Variants in KIF13A observed in about 807,000 individuals in gnomAD.
KIF13A encodes the protein kinesin family member 13A.
KIF13A carries 79 observed loss-of-function variants against 212.2 expected under a neutral mutation model. The observed-to-expected ratio is 0.37, with a 90% confidence interval of 0.31 to 0.45. The LOEUF is 0.45. Among genes scored for constraint, KIF13A ranks in the 20% least tolerant of loss-of-function variants. The probability of loss-of-function intolerance (pLI) is 1.00; values close to 1 mark genes in which losing one functional copy is unlikely to be tolerated. For missense variants in KIF13A, 1,901 were observed against 2,209.0 expected, an observed-to-expected ratio of 0.86 and a Z score of 2.79; for synonymous variants, 789 against 808.6, an observed-to-expected ratio of 0.98 and a Z score of 0.41.
chr6:17,787,590 G>A lies in KIF13A; in HGVS notation c.3361+186C>T, dbSNP rs1193603936. On this transcript the variant is annotated intron_variant, in intron 27 of 38. Transcript: ENST00000259711. This position sits in a 1 kb window ranked among gnomAD's most constrained non-coding sequence, Gnocchi z 4.6. Reference sequence around the variant, plus strand: ...CTCTTGAGGCCAGGAGTTAGAGGCTGCAGTGAGATATGATCCTGCCACTGC... The same window carrying A: ...CTCTTGAGGCCAGGAGTTAGAGGCTACAGTGAGATATGATCCTGCCACTGC... Among the ~76,000 whole-genome samples the A allele has an allele frequency of 2.0e-5, 3 of 152,168 alleles. No homozygotes were observed. The highest frequency in any genetic ancestry group is 4.4e-5 in the Non-Finnish European group (3 of 68,034).
At position 17,828,416 on chromosome 6, in the gene KIF13A, A is replaced by G; in HGVS notation, c.1402-46T>C. ...AAAGAAAAACCCACATTTATGAGTA[A>G]CTCAGCAAAAATGTATCACAATCAA... On this transcript the variant is annotated intron_variant, in intron 13 of 38. Transcript: ENST00000259711. The surrounding 1 kb of genome is among the most constrained non-coding windows in gnomAD (Gnocchi z 4.3). The G allele has an allele frequency of 6.4e-7, 1 of 1,555,876 alleles. No homozygotes were observed. The highest frequency in any genetic ancestry group is 8.8e-7 in the Non-Finnish European group (1 of 1,141,564).
chr6:17,854,225 G>C (rs1207654741), intron 6 of KIF13A, among the ~76,000 whole-genome samples: 1 of 152,104 alleles, frequency 6.6e-6, no homozygotes, highest in Non-Finnish European at 1.5e-5. Flanking sequence ...TGCAACCTCT[G>C]TCTCCTGGGT....
chr6:17,898,210 G>A lies in KIF13A; in HGVS notation c.147-30C>T. 6.2e-7 allele frequency: 1 copy of A among 1,610,938 alleles called. No individual in the cohort carries two copies. Among genetic ancestry groups the A allele is most frequent in the Non-Finnish European group, 8.5e-7 (1 of 1,177,974 alleles). ...ATGATGGGAAAAAAAAAATTCAGCAGCAGGGATACAGAGGGTTGTCAACAC... is the reference window on the plus strand; with the variant it reads ...ATGATGGGAAAAAAAAAATTCAGCAACAGGGATACAGAGGGTTGTCAACAC... On this transcript the variant is annotated intron_variant, in intron 2 of 38. Coordinates refer to ENST00000259711, the MANE Select transcript of KIF13A (RefSeq NM_022113.6). The surrounding 1 kb of genome is among the most constrained non-coding windows in gnomAD (Gnocchi z 5.2).
rs977569625 is a variant in KIF13A at position 17,849,473 on chromosome 6, A to G, written c.734T>C (p.Val245Ala). Residue 245 changes from valine to alanine, a missense_variant, in exon 9 of 39, where the codon GTC becomes GCC. Coordinates refer to ENST00000259711, the MANE Select transcript of KIF13A (RefSeq NM_022113.6). The surrounding 1 kb of genome is among the most constrained non-coding windows in gnomAD (Gnocchi z 5.7). ...DLQSGNSGEK[V>A]SKVSLVDLAG... The stretch of plus-strand genomic sequence containing the variant: ...CAGGTCTACCAAGCTGACCTTACTG[A>G]CTTTCTCCCCGGAATTCTAGTTATA... 6.2e-7 allele frequency: 1 copy of G among 1,613,424 alleles called. No homozygotes were observed. The highest frequency in any genetic ancestry group is 1.3e-5 in the African/African-American group (1 of 75,040).
At position 17,982,397 on chromosome 6, in the gene KIF13A, C is replaced by A; in HGVS notation, c.146+4657G>T. 1 of 981,674 alleles carries A rather than the reference C, an allele frequency of 1.0e-6. No individual in the cohort carries two copies. The highest frequency in any genetic ancestry group is 1.2e-6 in the Non-Finnish European group (1 of 826,680). 60.8% of individuals were successfully genotyped at this position (981,674 alleles called of 1,614,324 possible). On this transcript the variant is annotated intron_variant, in intron 2 of 38. Transcript: ENST00000259711. The surrounding 1 kb of genome is among the most constrained non-coding windows in gnomAD (Gnocchi z 5.1). The stretch of plus-strand genomic sequence containing the variant: ...ACAGATGTGAGCCACTGTGTCTGGC[C>A]CCCAGGATTTGGAGCATTTTAGATT...
intron 29 of KIF13A, among the ~76,000 whole-genome samples, chr6:17,782,937 C>T (rs1178933866): frequency 1.3e-5 from 2 of 152,188 alleles, no homozygotes; most frequent in Non-Finnish European, 2.9e-5. Flanking sequence ...ATGAGGCATA[C>T]ATTCAACATC....
intron 4 of KIF13A, among the ~76,000 whole-genome samples, chr6:17,863,710 A>G (rs930321717): frequency 6.6e-6 from 1 of 152,234 alleles, no homozygotes; most frequent in African/African-American, 2.4e-5. Flanking sequence ...TTCATTCTGC[A>G]ATAGAAAATA....
chr6:17,961,449 T>C lies in KIF13A; in HGVS notation c.146+25605A>G, dbSNP rs1778808368. Among the ~76,000 whole-genome samples, 1 of 152,254 alleles carries C rather than the reference T, an allele frequency of 6.6e-6. No individual in the cohort carries two copies. The highest frequency in any genetic ancestry group is 1.5e-5 in the Non-Finnish European group (1 of 68,048). ...CACCAAGCATATTGTAAGCCCTTTATATTCTCCCCGAATTAGGTTGGACCA... is the reference window on the plus strand; with the variant it reads ...CACCAAGCATATTGTAAGCCCTTTACATTCTCCCCGAATTAGGTTGGACCA... On this transcript the variant is annotated intron_variant, in intron 2 of 38. Transcript: ENST00000259711. The surrounding 1 kb of genome is among the most constrained non-coding windows in gnomAD (Gnocchi z 4.1).
chr6:17,785,280 T>A lies in KIF13A; in HGVS notation c.3488+235A>T, dbSNP rs911623518. On this transcript the variant is annotated intron_variant, in intron 28 of 38. Coordinates refer to ENST00000259711, the MANE Select transcript of KIF13A (RefSeq NM_022113.6). This position sits in a 1 kb window ranked among gnomAD's most constrained non-coding sequence, Gnocchi z 5.8. ...TTGCTTATGCAGAGGAACAGAGGAG[T>A]GGTATGTGATTCCTGGCCAGGTAAT... is the stretch of plus-strand genomic sequence containing the variant. Among the ~76,000 whole-genome samples the A allele has an allele frequency of 6.6e-6, 1 of 151,758 alleles. No homozygotes were observed.
intron 2 of KIF13A, among the ~76,000 whole-genome samples, chr6:17,930,737 C>T (rs1299838196): frequency 6.6e-6 from 1 of 152,184 alleles, no homozygotes; most frequent in East Asian, 1.9e-4. Context: ...GATCTCACTA[C>T]CACTACCCTG....
Position 17,771,938 on chromosome 6 carries a change from G to A in KIF13A, c.4446C>T (p.Ala1482=). The A allele has an allele frequency of 6.2e-7, 1 of 1,613,922 alleles. No individual in the cohort carries two copies. Among genetic ancestry groups the A allele is most frequent in the South Asian group, 1.1e-5 (1 of 91,080 alleles). ...PVKEEHKKRI[A]LEARPLLSQE... is the part of the protein sequence containing the mutation. ...GGCTTAGAAGAGGCCTTGCTTCCAGGGCTATCCTTTTCTTATGCTCCTCTT... is the reference window on the plus strand; with the variant it reads ...GGCTTAGAAGAGGCCTTGCTTCCAGAGCTATCCTTTTCTTATGCTCCTCTT... The change falls in exon 37 of 39, where the codon GCC becomes GCT. Residue 1482 remains alanine, a synonymous_variant. Coordinates refer to ENST00000259711, the MANE Select transcript of KIF13A (RefSeq NM_022113.6). The surrounding 1 kb of genome is among the most constrained non-coding windows in gnomAD (Gnocchi z 5.4).
rs1292818034 is a variant in KIF13A, at chr6:17,773,622, C to G, written c.4219-39G>C. The G allele has an allele frequency of 2.5e-6, 3 of 1,184,006 alleles. No homozygotes were observed. The highest frequency in any genetic ancestry group is 3.0e-5 in the South Asian group (2 of 66,892). The allele number at this position is 1,184,006 out of a possible 1,614,324, so 73.3% of individuals were successfully genotyped here. Reference sequence around the variant, plus strand: ...ATATGGGTTAACTGTAATTGAATCACTCCAAAATAAGAAATAAAGCCCAGG... The same window carrying G: ...ATATGGGTTAACTGTAATTGAATCAGTCCAAAATAAGAAATAAAGCCCAGG... On this transcript the variant is annotated intron_variant, in intron 35 of 38. Transcript: ENST00000259711. The surrounding 1 kb of genome is among the most constrained non-coding windows in gnomAD (Gnocchi z 4.2).
chr6:17,907,607 G>C (rs1448053759), intron 2 of KIF13A, among the ~76,000 whole-genome samples: 1 of 151,392 alleles, frequency 6.6e-6, no homozygotes, highest in Non-Finnish European at 1.5e-5. Context: ...GGCTGCAAAC[G>C]ACTACTTCCT....
At chr6:17,762,019 G>C (rs527495262), downstream of KIF13A, among the ~76,000 whole-genome samples, 1 of 151,928 alleles carries the variant, frequency 6.6e-6, no homozygotes, top group Non-Finnish European at 1.5e-5. Context: ...CAAAATCTTA[G>C]GGCTGGATGG....
chr6:17,817,307 T>C (rs932556652), intron 16 of KIF13A, 74 bp from the exon 17 acceptor site: 8 of 1,312,392 alleles, frequency 6.1e-6, no homozygotes, highest in Non-Finnish European at 8.7e-6. Context: ...CACTGCAGCC[T>C]GTGGGAGGCT....
intron 38 of KIF13A, 198 bp downstream of exon 38, chr6:17,770,916 A>T: frequency 2.0e-6 from 1 of 500,790 alleles, no homozygotes; most frequent in Admixed American, 3.9e-5. Flanking sequence ...TAAGCAAAAA[A>T]TAAATAAATA....
chr6:17,778,907 C>T (rs1309779649), intron 33 of KIF13A, 40 bp downstream of exon 33: 4 of 1,551,662 alleles, frequency 2.6e-6, no homozygotes, highest in Middle Eastern at 1.7e-4. Context: ...GGGGTGAAGG[C>T]TGGTGCTTTC....
chr6:17,781,189 G>A lies in KIF13A; in HGVS notation c.3657C>T (p.His1219=). The A allele has an allele frequency of 6.2e-7, 1 of 1,613,884 alleles. No homozygotes were observed. The highest frequency in any genetic ancestry group is 8.5e-7 in the Non-Finnish European group (1 of 1,179,862). The part of the protein sequence containing the change: ...SQFFYLPIIK[H]SDDEVSATAS... ...GGGGGTTAATTACCTCATCATCACT[G>A]TGCTTTATGATGGGCAGGTAGAAAA... The change falls in exon 30 of 39, where the codon CAC becomes CAT. Residue 1219 remains histidine (H), a synonymous_variant. Coordinates refer to ENST00000259711, the MANE Select transcript of KIF13A (RefSeq NM_022113.6).
Position 17,777,692 on chromosome 6 carries a change from AT to A in KIF13A, c.4093-339del, listed in dbSNP as rs1288013466. On this transcript the variant is annotated intron_variant, in intron 33 of 38. Transcript: ENST00000259711. The surrounding 1 kb of genome is among the most constrained non-coding windows in gnomAD (Gnocchi z 4.4). ...AGCCACCGCACCCGGCCATTACTTT[AT>A]TTTTTATTCTAATTATAAAAGTAAC... 2.4e-4 allele frequency among the ~76,000 whole-genome samples: 36 copies of A among 152,132 alleles called. No individual in the cohort carries two copies. The highest frequency in any genetic ancestry group is 4.4e-5 in the Non-Finnish European group (3 of 68,022).
Sources: allele counts gnomAD v4.1 joint callset (sites outside exome capture counted in the v4.1 genomes callset), GRCh38; gene constraint gnomAD v4.1.1; non-coding constraint Gnocchi (gnomAD v3.1); transcripts MANE v1.5; gene names NCBI Gene and HGNC (gene_info 2026-07-23, HGNC 2026-07-21).